The following TSPAN15 variants were observed in gnomAD, a reference collection of about 807,000 sequenced individuals.
TSPAN15 encodes tetraspanin 15, also known as tetraspanin-15.
A neutral mutation model predicts 34.5 loss-of-function variants in TSPAN15; 20 were observed. The ratio of observed to expected loss-of-function variants is 0.58; its 90% CI spans 0.41 to 0.84. The LOEUF (loss-of-function observed/expected upper bound fraction) is 0.84. Among genes scored for constraint, TSPAN15 ranks in the 40% least tolerant of loss-of-function variants. The pLI is 0.00. For missense variants in TSPAN15, 313 were observed against 386.1 expected (o/e 0.81, Z 1.59); for synonymous variants, 155 against 153.9 (o/e 1.01, Z -0.05).
At chr10:69,540,263 C>T in the TSPAN15 span, among the ~76,000 whole-genome samples, 7 of 152,152 alleles carry the variant, frequency 4.6e-5, no homozygotes, top group Non-Finnish European at 7.3e-5. Flanking sequence ...GGCGTGGTGG[C>T]AGGCACCTGT....
chr10:69,514,025 TA>T, the TSPAN15 span, among the ~76,000 whole-genome samples: 1 of 152,236 alleles, frequency 6.6e-6, no homozygotes, highest in African/African-American at 2.4e-5. Flanking sequence ...AGTATAATGT[TA>T]GATGTAGGTT....
At chr10:69,536,671 T>C in the TSPAN15 span, among the ~76,000 whole-genome samples, 1 of 152,270 alleles carries the variant, frequency 6.6e-6, no homozygotes, top group Admixed American at 6.5e-5. Flanking sequence ...CCATTCCTGA[T>C]GTCTCTCTCT....
At chr10:69,469,992 C>T (rs568254078) in intron 1 of TSPAN15, among the ~76,000 whole-genome samples, 38 of 152,324 alleles carry the variant, frequency 2.5e-4, no homozygotes, top group African/African-American at 7.9e-4. Flanking sequence ...CACCTCATTC[C>T]CCAAATGTTC....
intron 1 of TSPAN15, among the ~76,000 whole-genome samples, chr10:69,483,283 C>T (rs754928032): frequency 3.3e-5 from 5 of 152,200 alleles, no homozygotes; most frequent in Non-Finnish European, 7.4e-5. Flanking sequence ...CCACCGCGCC[C>T]GGCCTGCAGG....
intron 1 of TSPAN15, among the ~76,000 whole-genome samples, chr10:69,474,540 T>C (rs977215590): frequency 1.3e-5 from 2 of 152,138 alleles, no homozygotes; most frequent in African/African-American, 4.8e-5. Context: ...TCACTTCTGC[T>C]GGTGGTGGCC....
intron 1 of TSPAN15, 46 bp from the exon 2 acceptor site, chr10:69,483,645 T>C (rs184377230): frequency 6.3e-7 from 1 of 1,577,512 alleles, no homozygotes; most frequent in East Asian, 2.2e-5. Flanking sequence ...CTGTAGAAAA[T>C]CAAGTGACCT....
rs11068 is a variant in TSPAN15, at chr10:69,507,167, T to G, written c.*189T>G. On this transcript the variant is annotated 3_prime_UTR_variant, in exon 8 of 8. Transcript: ENST00000373290. ...CAGGGAGCAGAGCCTGGGCCTCCCC[T>G]AAGAGGCTTTCCCCGAGGCAGCTCT... is the stretch of plus-strand genomic sequence containing the variant. The G allele has an allele frequency of 0.069, 98,991 of 1,427,554 alleles. 3,698 individuals carry two copies. Among genetic ancestry groups the G allele is most frequent in the South Asian group, 0.13 (8,386 of 65,434 alleles). The allele number at this position is 1,427,554 out of a possible 1,614,324, so 88.4% of individuals were successfully genotyped here.
At chr10:69,502,582 C>T (rs1026544352) in intron 5 of TSPAN15, among the ~76,000 whole-genome samples, 2 of 152,172 alleles carry the variant, frequency 1.3e-5, no homozygotes, top group African/African-American at 2.4e-5. Flanking sequence ...GTCTTGGGGC[C>T]TGTGAACTTC....
chr10:69,544,546 C>T, the TSPAN15 span, among the ~76,000 whole-genome samples: 15 of 152,236 alleles, frequency 9.9e-5, no homozygotes, highest in African/African-American at 3.6e-4. Context: ...CCAGGTCTTC[C>T]ACACCTGCCC....
intron 1 of TSPAN15, among the ~76,000 whole-genome samples, chr10:69,455,630 C>CT (rs891018727): frequency 1.2e-4 from 14 of 114,828 alleles, no homozygotes; most frequent in Admixed American, 2.6e-4. Flanking sequence ...CTCTCTCCCC[C>CT]CCCCGTCTCT....
chr10:69,525,144 C>T, the TSPAN15 span, among the ~76,000 whole-genome samples: 1 of 147,344 alleles, frequency 6.8e-6, no homozygotes. Flanking sequence ...TCATGAAGTC[C>T]TGGCCTCAAG....
At chr10:69,494,988 C>T (rs188854012) in intron 3 of TSPAN15, 9 of 508,364 alleles carry the variant, frequency 1.8e-5, no homozygotes, top group East Asian at 1.5e-4. Flanking sequence ...CAGCCCTAGC[C>T]GAGGGGGACC....
chr10:69,543,849 G>A, the TSPAN15 span, among the ~76,000 whole-genome samples: 13 of 25,110 alleles, frequency 5.2e-4, no homozygotes, highest in African/African-American at 2.0e-3. Flanking sequence ...AGGGGAGTGT[G>A]TGTGTGTGTG....
chr10:69,539,533 A>AAGAAGGAGAAGGAGAAGG, the TSPAN15 span, among the ~76,000 whole-genome samples: 23 of 48,306 alleles, frequency 4.8e-4, 2 homozygotes, highest in East Asian at 1.4e-3. Context: ...GAAGAAGAAG[A>AAGAAGGAGAAGGAGAAGG]AGAAGGAGAA....
intron 1 of TSPAN15, among the ~76,000 whole-genome samples, chr10:69,474,979 G>A (rs1841585769): frequency 6.6e-6 from 1 of 152,178 alleles, no homozygotes; most frequent in Non-Finnish European, 1.5e-5. Context: ...CCAGGGCTGA[G>A]ATCTGGGAAG....
At chr10:69,457,006 G>A (rs1841126094) in intron 1 of TSPAN15, among the ~76,000 whole-genome samples, 2 of 152,270 alleles carry the variant, frequency 1.3e-5, no homozygotes, top group Middle Eastern at 3.4e-3. Flanking sequence ...ATGTCTGCGG[G>A]AGAAATGAGC....
chr10:69,454,807 G>A (rs576133581), intron 1 of TSPAN15, among the ~76,000 whole-genome samples: 1 of 152,092 alleles, frequency 6.6e-6, no homozygotes, highest in East Asian at 1.9e-4. Flanking sequence ...AGACTCTGTT[G>A]CAGAAAATAA....
chr10:69,546,053 G>A, the TSPAN15 span, among the ~76,000 whole-genome samples: 1 of 152,068 alleles, frequency 6.6e-6, no homozygotes, highest in African/African-American at 2.4e-5. Context: ...AGTTTACCTT[G>A]TATTTCCTTG....
At chr10:69,510,559 C>A (rs1458224095), downstream of TSPAN15, among the ~76,000 whole-genome samples, 2 of 152,196 alleles carry the variant, frequency 1.3e-5, no homozygotes, top group African/African-American at 2.4e-5. Context: ...TATTTGAATA[C>A]CCTTTATTTC....
Sources: gnomAD v4.1 joint callset for allele counts (sites outside exome capture counted in the v4.1 genomes callset) on GRCh38, gnomAD v4.1.1 for gene constraint, MANE v1.5 for transcripts, NCBI Gene and HGNC (gene_info 2026-07-23, HGNC 2026-07-21) for gene names.